The following ACTR3C variants were observed in gnomAD, a reference collection of about 807,000 sequenced individuals.
ACTR3C encodes the protein actin related protein 3C.
A neutral mutation model predicts 26.3 loss-of-function variants in ACTR3C; 18 were observed. That is an observed-to-expected ratio of 0.68 (90% CI 0.47 to 1.01). The LOEUF (loss-of-function observed/expected upper bound fraction) is 1.01, where lower values mean the gene tolerates loss of function less well. ACTR3C is among the 50% of genes least tolerant of loss of function. The probability of loss-of-function intolerance (pLI) is 0.00; values close to 1 mark genes in which losing one functional copy is unlikely to be tolerated. For missense variants in ACTR3C, 184 were observed against 250.7 expected (o/e 0.73, Z 1.80); for synonymous variants, 55 against 94.5 (o/e 0.58, Z 2.42).
the ACTR3C span, among the ~76,000 whole-genome samples, chr7:149,985,188 T>C: frequency 7.2e-6 from 1 of 138,220 alleles, no homozygotes; most frequent in Non-Finnish European, 1.5e-5. Context: ...TTCAACTAAA[T>C]CATGCTTGCA....
chr7:150,180,770 A>G, the ACTR3C span, among the ~76,000 whole-genome samples: 1 of 148,736 alleles, frequency 6.7e-6, no homozygotes, highest in Non-Finnish European at 1.5e-5. Context: ...TCGGCCTCCA[A>G]AAGTGCTGGG....
chr7:150,207,595 G>T, the ACTR3C span, among the ~76,000 whole-genome samples: 3 of 151,218 alleles, frequency 2.0e-5, no homozygotes, highest in South Asian at 6.2e-4. Context: ...ACGTAACTGT[G>T]TAGCACAATT....
At chr7:150,313,087 C>T (rs1439785507) in intron 1 of ACTR3C, among the ~76,000 whole-genome samples, 4 of 152,200 alleles carry the variant, frequency 2.6e-5, no homozygotes, top group Non-Finnish European at 5.9e-5. Context: ...ACCCCGTAAC[C>T]CCCTCCTCTG....
the ACTR3C span, among the ~76,000 whole-genome samples, chr7:150,123,017 T>C: frequency 2.9e-4 from 43 of 149,774 alleles, no homozygotes; most frequent in African/African-American, 9.2e-4. Flanking sequence ...TTCTCACTCA[T>C]AGGTGGGAGT....
At chr7:149,929,529 C>CTT in the ACTR3C span, among the ~76,000 whole-genome samples, 67 of 109,158 alleles carry the variant, frequency 6.1e-4, no homozygotes, top group African/African-American at 2.3e-3. Context: ...CCACAAATGA[C>CTT]TTTTTTTTTT....
chr7:150,023,525 G>A, the ACTR3C span, among the ~76,000 whole-genome samples: 1 of 151,476 alleles, frequency 6.6e-6, no homozygotes. Flanking sequence ...AGTAGAGATG[G>A]GGTTTCATAT....
the ACTR3C span, among the ~76,000 whole-genome samples, chr7:149,889,432 G>C: frequency 1.3e-5 from 2 of 152,166 alleles, no homozygotes; most frequent in African/African-American, 2.4e-5. Context: ...AAACAACACT[G>C]ACAAATTAAT....
chr7:149,942,427 G>T, the ACTR3C span, among the ~76,000 whole-genome samples: 11 of 151,962 alleles, frequency 7.2e-5, no homozygotes, highest in Non-Finnish European at 1.6e-4. Flanking sequence ...TCTGTTTCTT[G>T]GATTGCATCA....
chr7:149,963,820 A>G, the ACTR3C span, among the ~76,000 whole-genome samples: 1 of 152,236 alleles, frequency 6.6e-6, no homozygotes, highest in African/African-American at 2.4e-5. Flanking sequence ...ACTTATTTTT[A>G]AAGACTAAAT....
At chr7:150,078,896 G>A in the ACTR3C span, among the ~76,000 whole-genome samples, 1 of 152,188 alleles carries the variant, frequency 6.6e-6, no homozygotes, top group African/African-American at 2.4e-5. Flanking sequence ...AATGCACACA[G>A]CACTTCACAT....
the ACTR3C span, among the ~76,000 whole-genome samples, chr7:150,222,331 C>A: frequency 5.9e-5 from 9 of 152,164 alleles, no homozygotes; most frequent in African/African-American, 2.2e-4. Context: ...TTATTTCTCT[C>A]ATTTATTCTT....
chr7:150,199,732 A>AAAAC, the ACTR3C span, among the ~76,000 whole-genome samples: 1 of 134,538 alleles, frequency 7.4e-6, no homozygotes, highest in African/African-American at 3.2e-5. Flanking sequence ...TATCAAAAAA[A>AAAAC]AAAAAAAAAA....
the ACTR3C span, among the ~76,000 whole-genome samples, chr7:150,222,775 A>T: frequency 6.6e-6 from 1 of 152,224 alleles, no homozygotes; most frequent in African/African-American, 2.4e-5. Context: ...GATGCTGTTG[A>T]TGTCTAATTG....
chr7:150,224,887 T>C, the ACTR3C span, among the ~76,000 whole-genome samples: 1 of 152,196 alleles, frequency 6.6e-6, no homozygotes, highest in Non-Finnish European at 1.5e-5. Context: ...TGAATATTTG[T>C]ATGATATTTT....
At chr7:150,070,017 G>A in the ACTR3C span, among the ~76,000 whole-genome samples, 3 of 152,178 alleles carry the variant, frequency 2.0e-5, no homozygotes, top group African/African-American at 4.8e-5. Flanking sequence ...GAACATGGAC[G>A]CCTTCCCAAG....
the ACTR3C span, among the ~76,000 whole-genome samples, chr7:150,117,261 A>G: frequency 1.3e-5 from 2 of 152,230 alleles, no homozygotes; most frequent in Non-Finnish European, 2.9e-5. Context: ...AAGGAGGCTG[A>G]GGCCAGGGAG....
At chr7:150,245,476 G>C (rs1333311019), downstream of ACTR3C, 1 of 152,252 alleles carries the variant, frequency 6.6e-6, no homozygotes, top group African/African-American at 2.4e-5. Flanking sequence ...CTGGAGAACA[G>C]AAGGCCGGAG....
At chr7:150,109,144 C>G in the ACTR3C span, among the ~76,000 whole-genome samples, 2 of 151,982 alleles carry the variant, frequency 1.3e-5, no homozygotes, top group Admixed American at 6.6e-5. Flanking sequence ...GGAAAGAAGA[C>G]TCTAAATATC....
At chr7:150,192,745 C>T in the ACTR3C span, among the ~76,000 whole-genome samples, 3 of 152,164 alleles carry the variant, frequency 2.0e-5, no homozygotes, top group Non-Finnish European at 4.4e-5. Context: ...AAATTACCCA[C>T]GTGGTGATGG....
Sources: allele counts gnomAD v4.1 joint callset (sites outside exome capture counted in the v4.1 genomes callset), GRCh38; gene constraint gnomAD v4.1.1; transcripts MANE v1.5; gene names NCBI Gene and HGNC (gene_info 2026-07-23, HGNC 2026-07-21).